KIAA1217: variants seen among roughly 807,000 people sequenced by gnomAD.
KIAA1217 encodes sickle tail protein homolog.
In KIAA1217, 88 loss-of-function variants were observed where a neutral mutation model predicts 163.9. The observed-to-expected ratio is 0.54, with a 90% confidence interval of 0.45 to 0.64. The LOEUF is 0.64. Among genes scored for constraint, KIAA1217 ranks in the 30% least tolerant of loss-of-function variants. KIAA1217 has a pLI of 0.00. For synonymous variants in KIAA1217, 903 were observed against 923.1 expected (o/e 0.98, Z 0.39); for missense variants, 2,372 against 2,475.0 (o/e 0.96, Z 0.88).
At chr10:24,274,955 A>G (rs1379522678) in intron 2 of KIAA1217, among the ~76,000 whole-genome samples, 2 of 152,094 alleles carry the variant, frequency 1.3e-5, no homozygotes, top group Non-Finnish European at 2.9e-5. Flanking sequence ...AAAAATTTGT[A>G]GATGCCGGGT....
intron 1 of KIAA1217, among the ~76,000 whole-genome samples, chr10:23,978,865 G>A (rs1394271836): frequency 6.6e-6 from 1 of 152,116 alleles, no homozygotes; most frequent in Non-Finnish European, 1.5e-5. Context: ...TGAGGCCACT[G>A]AGCTAACCAA....
At chr10:24,157,141 A>G (rs2131875093) in intron 2 of KIAA1217, among the ~76,000 whole-genome samples, 1 of 152,354 alleles carries the variant, frequency 6.6e-6, no homozygotes, top group East Asian at 1.9e-4. Flanking sequence ...AGCATATGAA[A>G]TTACCAGTTA....
intron 1 of KIAA1217, among the ~76,000 whole-genome samples, chr10:23,829,397 A>G (rs1459944322): frequency 1.3e-5 from 2 of 152,200 alleles, no homozygotes; most frequent in Non-Finnish European, 2.9e-5. Context: ...CGTCTTCTCC[A>G]TGGGAAAAAT....
Position 23,713,652 on chromosome 10 carries a change from A to G in KIAA1217, c.-321+18418A>G, listed in dbSNP as rs1387057622. 2.0e-5 allele frequency among the ~76,000 whole-genome samples: 3 copies of G among 152,172 alleles called. No homozygotes were observed. The East Asian group carries it at 5.8e-4, about 29-fold the overall frequency. On this transcript the variant is annotated intron_variant, in intron 1 of 18. Coordinates refer to the KIAA1217 transcript ENST00000376462. ...AGCCTATGTTGATTTGAATGGTGAT[A>G]TTAATATCATTATTAGCTATCCTTA...
intron 3 of KIAA1217, among the ~76,000 whole-genome samples, chr10:24,401,874 A>G (rs141019886): frequency 8.1e-4 from 124 of 152,374 alleles, no homozygotes; most frequent in Non-Finnish European, 1.4e-3. Context: ...CAAGATCAAC[A>G]TACAAAATCT....
intron 2 of KIAA1217, among the ~76,000 whole-genome samples, chr10:24,285,013 G>T (rs2078401022): frequency 6.6e-6 from 1 of 152,066 alleles, no homozygotes; most frequent in Non-Finnish European, 1.5e-5. Context: ...TCATATGCTT[G>T]TTGGCCTTAC....
chr10:24,364,884 G>A (rs1190351128), intron 2 of KIAA1217, among the ~76,000 whole-genome samples: 2 of 150,988 alleles, frequency 1.3e-5, no homozygotes, highest in East Asian at 2.0e-4. Context: ...CTGCACCCTC[G>A]ACCTCCTGAG....
chr10:24,172,052 A>G (rs2065657295), intron 2 of KIAA1217, among the ~76,000 whole-genome samples: 1 of 152,226 alleles, frequency 6.6e-6, no homozygotes, highest in African/African-American at 2.4e-5. Context: ...CAGAGATCAT[A>G]CAGTTGATAT....
intron 2 of KIAA1217, chr10:24,255,657 G>A (rs2075074612): frequency 2.5e-6 from 1 of 396,356 alleles, no homozygotes. Flanking sequence ...AAACTGCTGT[G>A]TGATATGTTT....
chr10:24,024,477 G>A (rs1430035536), intron 2 of KIAA1217, among the ~76,000 whole-genome samples: 2 of 151,830 alleles, frequency 1.3e-5, no homozygotes, highest in East Asian at 3.9e-4. Context: ...GTAGTTGATA[G>A]ATATTTGAGT....
intron 1 of KIAA1217, among the ~76,000 whole-genome samples, chr10:23,914,106 A>G (rs747805806): frequency 2.5e-4 from 38 of 152,112 alleles, no homozygotes; most frequent in Admixed American, 9.8e-4. Context: ...GCCAAGTAAG[A>G]CTGTCCAAGA....
intron 1 of KIAA1217, among the ~76,000 whole-genome samples, chr10:23,896,642 T>G (rs1247359529): frequency 1.3e-5 from 2 of 152,092 alleles, no homozygotes; most frequent in Admixed American, 1.3e-4. Context: ...GTTTCACCAC[T>G]GCAGCCAGTT....
intron 2 of KIAA1217, among the ~76,000 whole-genome samples, chr10:24,155,138 G>A (rs188482811): frequency 2.6e-5 from 4 of 152,244 alleles, no homozygotes; most frequent in Admixed American, 1.3e-4. Context: ...TAAATGTTAC[G>A]GTATATGTAT....
At chr10:24,341,807 G>T (rs1161126254) in intron 2 of KIAA1217, among the ~76,000 whole-genome samples, 1 of 151,948 alleles carries the variant, frequency 6.6e-6, no homozygotes, top group Non-Finnish European at 1.5e-5. Context: ...TCTCTTAAAT[G>T]TAGGAGTTGA....
intron 1 of KIAA1217, among the ~76,000 whole-genome samples, chr10:23,929,347 G>T (rs574006284): frequency 1.3e-5 from 2 of 151,984 alleles, no homozygotes; most frequent in African/African-American, 4.8e-5. Context: ...GACTAAGGGG[G>T]CACATGTGCA....
chr10:24,223,933 A>G (rs531663278), intron 2 of KIAA1217, among the ~76,000 whole-genome samples: 2 of 151,730 alleles, frequency 1.3e-5, no homozygotes, highest in East Asian at 3.9e-4. Flanking sequence ...GCTATTAAAC[A>G]TAAGAAGAAT....
intron 1 of KIAA1217, among the ~76,000 whole-genome samples, chr10:23,757,952 T>C (rs1588732143): frequency 1.3e-5 from 2 of 152,368 alleles, no homozygotes; most frequent in East Asian, 3.8e-4. Flanking sequence ...GCTTGGATAT[T>C]AATCCCTTAA....
chr10:23,703,820 A>G lies in KIAA1217; in HGVS notation c.-321+8586A>G, dbSNP rs1255477394. Among the ~76,000 whole-genome samples, 3 of 152,112 alleles carry G rather than the reference A, an allele frequency of 2.0e-5. No individual in the cohort carries two copies. In the South Asian group the frequency reaches 6.2e-4, roughly 31 times the overall value. On this transcript the variant is annotated intron_variant, in intron 1 of 18. Transcript: ENST00000376462. ...CTTGTTGTATAAAGGCCCAGAGAGC[A>G]AACATATTTTAGACTTTGCAGTCCG...
At chr10:24,445,650 G>A (rs1049463312) in intron 5 of KIAA1217, among the ~76,000 whole-genome samples, 8 of 150,282 alleles carry the variant, frequency 5.3e-5, no homozygotes, top group South Asian at 2.1e-4. Context: ...TTGTCCTTGC[G>A]ATAGTTTGCT....
Sources: gnomAD v4.1 joint callset for allele counts (sites outside exome capture counted in the v4.1 genomes callset) on GRCh38, gnomAD v4.1.1 for gene constraint, MANE v1.5 for transcripts, NCBI Gene and HGNC (gene_info 2026-07-23, HGNC 2026-07-21) for gene names.